GRIP1: variants seen among roughly 807,000 people sequenced by gnomAD.
GRIP1 encodes glutamate receptor-interacting protein 1.
In GRIP1, 45 loss-of-function variants were observed where a neutral mutation model predicts 129.9. The ratio of observed to expected loss-of-function variants is 0.35; its 90% CI spans 0.27 to 0.44. GRIP1 has a LOEUF of 0.44. Ranked by LOEUF, GRIP1 falls within the 20% of genes least tolerant of loss-of-function variation. The pLI, the probability that GRIP1 is intolerant of heterozygous loss-of-function variation, is 1.00. For synonymous variants in GRIP1, 530 were observed against 520.8 expected, an observed-to-expected ratio of 1.02 and a Z score of -0.24; for missense variants, 1,196 against 1,396.8, an observed-to-expected ratio of 0.86 and a Z score of 2.29.
At chr12:66,913,210 C>T (rs1204643194) in intron 1 of GRIP1, among the ~76,000 whole-genome samples, 2 of 152,142 alleles carry the variant, frequency 1.3e-5, no homozygotes, top group Non-Finnish European at 2.9e-5. Flanking sequence ...TTCTTTACTC[C>T]AAAACTTCTC....
chr12:66,671,471 C>A (rs1367533702), intron 1 of GRIP1, among the ~76,000 whole-genome samples: 1 of 152,124 alleles, frequency 6.6e-6, no homozygotes, highest in Non-Finnish European at 1.5e-5. Flanking sequence ...CCTATAATAG[C>A]CTTCCTTATC....
At chr12:66,667,473 A>G (rs2033858870) in intron 1 of GRIP1, among the ~76,000 whole-genome samples, 1 of 152,202 alleles carries the variant, frequency 6.6e-6, no homozygotes, top group Non-Finnish European at 1.5e-5. Context: ...AAAAGATGTC[A>G]ATGATCCCTA....
rs1478550192 is a variant in GRIP1 at position 66,466,353 on chromosome 12, T to C, written c.725-931A>G. 1.7e-4 allele frequency among the ~76,000 whole-genome samples: 26 copies of C among 152,192 alleles called. 1 individual carries two copies. The highest frequency in any genetic ancestry group is 1.7e-3 in the Admixed American group (26 of 15,286). ...TGTCAATCACAGCATTCTCAGTGCCTAGAATAATGATTAGCACATCAGAGG... is the reference window on the plus strand; with the variant it reads ...TGTCAATCACAGCATTCTCAGTGCCCAGAATAATGATTAGCACATCAGAGG... On this transcript the variant is annotated intron_variant, in intron 7 of 24. Transcript: ENST00000359742.
intron 1 of GRIP1, among the ~76,000 whole-genome samples, chr12:66,868,025 T>A (rs998973760): frequency 6.6e-6 from 1 of 152,178 alleles, no homozygotes; most frequent in Non-Finnish European, 1.5e-5. Context: ...GAAGTAACGA[T>A]TGATAAAAGA....
At chr12:67,000,165 T>C (rs2042530544) in intron 1 of GRIP1, among the ~76,000 whole-genome samples, 1 of 152,192 alleles carries the variant, frequency 6.6e-6, no homozygotes, top group Non-Finnish European at 1.5e-5. Context: ...GTACATCTCT[T>C]TCTCTTCTCA....
At chr12:66,744,831 C>A (rs1291324256) in intron 1 of GRIP1, among the ~76,000 whole-genome samples, 2 of 152,136 alleles carry the variant, frequency 1.3e-5, no homozygotes, top group African/African-American at 4.8e-5. Context: ...ACACAGAAAT[C>A]TTACTCAATT....
At chr12:66,764,023 C>T (rs11838053) in intron 1 of GRIP1, among the ~76,000 whole-genome samples, 1,987 of 152,252 alleles carry the variant, frequency 0.013, 53 homozygotes, top group African/African-American at 0.046. Context: ...GTGCCAAGAG[C>T]GAGCTGTGAA....
At chr12:66,501,857 C>G (rs1405713244) in intron 7 of GRIP1, among the ~76,000 whole-genome samples, 1 of 152,140 alleles carries the variant, frequency 6.6e-6, no homozygotes, top group Non-Finnish European at 1.5e-5. Context: ...AAAATCTTCA[C>G]AGATAATGGC....
intron 1 of GRIP1, among the ~76,000 whole-genome samples, chr12:66,672,752 G>A (rs920186741): frequency 3.3e-5 from 5 of 151,886 alleles, no homozygotes; most frequent in African/African-American, 9.7e-5. Context: ...TATATTTTCC[G>A]CCAGAATAAA....
At chr12:66,800,125 C>T (rs1463533874) in intron 1 of GRIP1, among the ~76,000 whole-genome samples, 1 of 152,132 alleles carries the variant, frequency 6.6e-6, no homozygotes, top group Non-Finnish European at 1.5e-5. Flanking sequence ...ACAACAACAA[C>T]AAAACAACAA....
chr12:66,457,561 C>T (rs998749806), intron 9 of GRIP1, among the ~76,000 whole-genome samples: 2 of 152,180 alleles, frequency 1.3e-5, no homozygotes, highest in Non-Finnish European at 2.9e-5. Context: ...CCTGACTTAA[C>T]ATATGAATTT....
intron 1 of GRIP1, among the ~76,000 whole-genome samples, chr12:66,889,155 A>T (rs973012541): frequency 6.6e-6 from 1 of 152,162 alleles, no homozygotes; most frequent in Admixed American, 6.5e-5. Context: ...TGGTACATAC[A>T]TTCCTTTTTA....
chr12:66,930,145 G>A (rs2041367265), intron 1 of GRIP1, among the ~76,000 whole-genome samples: 2 of 140,992 alleles, frequency 1.4e-5, no homozygotes, highest in African/African-American at 5.3e-5. Flanking sequence ...TAGGGTACAT[G>A]TGCACATTGT....
chr12:66,831,889 T>C (rs2039525735), intron 1 of GRIP1, among the ~76,000 whole-genome samples: 1 of 152,208 alleles, frequency 6.6e-6, no homozygotes, highest in Non-Finnish European at 1.5e-5. Context: ...GTAAAGTGCT[T>C]GGCAAAGTCT....
chr12:66,488,535 G>A (rs2060017609), intron 7 of GRIP1, among the ~76,000 whole-genome samples: 1 of 151,986 alleles, frequency 6.6e-6, no homozygotes, highest in African/African-American at 2.4e-5. Flanking sequence ...AAGATCTCAA[G>A]TTAACAACCT....
intron 1 of GRIP1, among the ~76,000 whole-genome samples, chr12:66,823,828 T>A (rs952148061): frequency 2.6e-5 from 4 of 152,118 alleles, no homozygotes; most frequent in Admixed American, 6.6e-5. Context: ...CACAATATAA[T>A]CCCAACAGAT....
At chr12:66,566,983 C>T (rs868822617) in intron 2 of GRIP1, among the ~76,000 whole-genome samples, 2 of 152,118 alleles carry the variant, frequency 1.3e-5, no homozygotes, top group Non-Finnish European at 1.5e-5. Flanking sequence ...GTGATATCCC[C>T]TTTATCATTT....
intron 1 of GRIP1, among the ~76,000 whole-genome samples, chr12:66,775,383 A>G (rs1412786152): frequency 2.0e-5 from 3 of 152,230 alleles, no homozygotes; most frequent in Non-Finnish European, 4.4e-5. Context: ...ACAACACAGT[A>G]GAAGTTGTAG....
chr12:67,029,759 A>G (rs2042994101), intron 1 of GRIP1, among the ~76,000 whole-genome samples: 1 of 151,906 alleles, frequency 6.6e-6, no homozygotes, highest in Non-Finnish European at 1.5e-5. Flanking sequence ...GTTGATGGAA[A>G]CCTTAACTAG....
Sources: allele counts gnomAD v4.1 joint callset (sites outside exome capture counted in the v4.1 genomes callset), GRCh38; gene constraint gnomAD v4.1.1; transcripts MANE v1.5; gene names NCBI Gene and HGNC (gene_info 2026-07-23, HGNC 2026-07-21).